The following AKR1C4 variants were observed in gnomAD, a reference collection of about 807,000 sequenced individuals.
AKR1C4 encodes aldo-keto reductase family 1 member C4, also known as 3-alpha-HSD1.
Under a neutral mutation model 41.0 loss-of-function variants are expected in AKR1C4, and 44 were observed. That is an observed-to-expected ratio of 1.07 (90% CI 0.84 to 1.38). AKR1C4 has a LOEUF of 1.38. Among genes scored for constraint, AKR1C4 ranks in the 40% most tolerant of loss-of-function variants. AKR1C4 has a pLI of 0.00. For synonymous variants in AKR1C4, 165 were observed against 137.7 expected, an observed-to-expected ratio of 1.20 and a Z score of -1.39; for missense variants, 438 against 387.9, an observed-to-expected ratio of 1.13 and a Z score of -1.09.
chr10:5,205,791 G>A lies in AKR1C4; in HGVS notation c.404G>A (p.Gly135Glu), dbSNP rs11253043. 7,649 of 1,613,412 alleles carry A rather than the reference G, an allele frequency of 4.7e-3. 298 individuals carry two copies. In the African/African-American group the frequency reaches 0.088, roughly 18 times the overall value. Reference protein sequence around the residue: ...GETPLPKDENGKVIFDTVDLS... With the variant: ...GETPLPKDENEKVIFDTVDLS... ...ACGCCACTACCAAAAGATGAAAATGGAAAAGTAATATTCGACACAGTGGAT... is the reference window on the plus strand; with the variant it reads ...ACGCCACTACCAAAAGATGAAAATGAAAAAGTAATATTCGACACAGTGGAT... The change falls in exon 4 of 9, where the codon GGA becomes GAA. Residue 135 changes from glycine (G) to glutamate (E), a missense_variant. By Grantham distance (98) the Gly-to-Glu change is moderately conservative (BLOSUM62 -2). Coordinates refer to ENST00000263126, the MANE Select transcript of AKR1C4 (RefSeq NM_001818.5).
Position 5,204,460 on chromosome 10 carries a change from C to T in AKR1C4, c.336C>T (p.Asp112=). 6.2e-7 allele frequency: 1 copy of T among 1,613,512 alleles called. No individual in the cohort carries two copies. Residue 112 remains aspartate, a synonymous_variant, in exon 3 of 9, where the codon GAC becomes GAT. Coordinates refer to ENST00000263126, the MANE Select transcript of AKR1C4 (RefSeq NM_001818.5). ...SLKKLQLDYV[D]LYLLHFPMAL... ...AAAAACTTCAACTGGACTATGTTGA[C>T]CTCTATCTTCTTCATTTCCCAATGG...
At position 5,200,968 on chromosome 10, in the gene AKR1C4, G is replaced by GTA. The variant is rs111762558; in HGVS notation, c.252+633_252+634dup. 1.8e-3 allele frequency among the ~76,000 whole-genome samples: 273 copies of GTA among 151,012 alleles called. 1 individual carries two copies. The highest frequency in any genetic ancestry group is 4.5e-3 in the African/African-American group (184 of 41,236). ...TTTTATATATACACTATTCCATGAT[G>GTA]TATATATATATATACCACATTTTCA... On this transcript the variant is annotated intron_variant, in intron 2 of 8. Transcript: ENST00000263126.
At position 5,200,218 on chromosome 10, in the gene AKR1C4, C is replaced by T; in HGVS notation, c.122C>T (p.Ala41Val). The change falls in exon 2 of 9, where the codon GCA becomes GTA. Residue 41 changes from alanine (A) to valine (V), a missense_variant. By Grantham distance (64) the Ala-to-Val change is moderately conservative (BLOSUM62 0). Coordinates refer to ENST00000263126, the MANE Select transcript of AKR1C4 (RefSeq NM_001818.5). ...AGAGCTGTAGAGGTCACCAAATTAG[C>T]AATAGAAGCTGGCTTCCGCCATATT... ...RNRAVEVTKL[A>V]IEAGFRHIDS... The T allele has an allele frequency of 2.5e-6, 4 of 1,614,040 alleles. No homozygotes were observed. The highest frequency in any genetic ancestry group is 2.5e-6 in the Non-Finnish European group (3 of 1,179,920).
intron 5 of AKR1C4, among the ~76,000 whole-genome samples, chr10:5,210,323 G>A (rs1439970893): frequency 1.3e-5 from 2 of 152,184 alleles, no homozygotes; most frequent in Admixed American, 6.5e-5. Flanking sequence ...CCTTCTGGCT[G>A]CTTTCATGGG....
intron 7 of AKR1C4, 106 bp downstream of exon 7, chr10:5,213,265 T>A: frequency 6.6e-7 from 1 of 1,506,768 alleles, no homozygotes; most frequent in Non-Finnish European, 8.9e-7. Flanking sequence ...TCCTGGGCAT[T>A]TCCTATGCAC....
chr10:5,204,148 T>C (rs1257093938), intron 2 of AKR1C4, among the ~76,000 whole-genome samples: 1 of 152,326 alleles, frequency 6.6e-6, no homozygotes, highest in Middle Eastern at 3.4e-3. Flanking sequence ...TTACTTGATA[T>C]CAATTTTTAC....
intron 6 of AKR1C4, 82 bp from the exon 7 acceptor site, chr10:5,212,912 T>A: frequency 6.5e-7 from 1 of 1,533,882 alleles, no homozygotes; most frequent in Non-Finnish European, 8.8e-7. Context: ...TGGTGCAGAA[T>A]GAACACCTTA....
Position 5,213,139 on chromosome 10 carries a change from C to A in AKR1C4, c.826C>A (p.Arg276=), listed in dbSNP as rs529198618. 108 of 1,613,698 alleles carry A rather than the reference C, an allele frequency of 6.7e-5. No homozygotes were observed. Among genetic ancestry groups the A allele is most frequent in the Non-Finnish European group, 8.8e-5 (104 of 1,180,032 alleles). Residue 276 remains arginine (R), a synonymous_variant, in exon 7 of 9, where the codon CGG becomes AGG. Transcript: ENST00000263126. The part of the protein sequence containing the change: ...VVLAKSYNEQ[R]IRENIQVFEF... ...CCTGGCCAAGAGCTACAATGAGCAG[C>A]GGATCAGAGAGAACATCCAGGTGAG... is the stretch of plus-strand genomic sequence containing the variant.
At chr10:5,215,978 C>A (rs7912751) in intron 7 of AKR1C4, among the ~76,000 whole-genome samples, 2 of 152,008 alleles carry the variant, frequency 1.3e-5, no homozygotes, top group African/African-American at 4.8e-5. Context: ...GTCCATTGTG[C>A]GTTGCTATAA....
intron 5 of AKR1C4, 71 bp downstream of exon 5, chr10:5,206,468 T>C (rs1832489255): frequency 6.2e-7 from 1 of 1,604,520 alleles, no homozygotes; most frequent in Admixed American, 1.7e-5. Context: ...CTGGCTTCCA[T>C]TTGTTTTGTT....
intron 7 of AKR1C4, among the ~76,000 whole-genome samples, chr10:5,215,020 G>T (rs1313799076): frequency 6.6e-6 from 1 of 152,136 alleles, no homozygotes; most frequent in Non-Finnish European, 1.5e-5. Flanking sequence ...GTCAAAGATG[G>T]AAATACAGAT....
At chr10:5,212,875 T>TG (rs1396815565) in intron 6 of AKR1C4, 119 bp from the exon 7 acceptor site, 1 of 1,423,640 alleles carries the variant, frequency 7.0e-7, no homozygotes, top group East Asian at 2.4e-5. Context: ...ATGCTGCTGC[T>TG]GTTCAGGGAC....
chr10:5,211,498 C>T (rs552812369), intron 5 of AKR1C4, among the ~76,000 whole-genome samples: 1 of 152,280 alleles, frequency 6.6e-6, no homozygotes, highest in African/African-American at 2.4e-5. Context: ...TAAAACATAA[C>T]AAGAGTCACC....
chr10:5,215,973 T>C (rs1374941044), intron 7 of AKR1C4, among the ~76,000 whole-genome samples: 2 of 152,180 alleles, frequency 1.3e-5, no homozygotes, highest in Non-Finnish European at 2.9e-5. Flanking sequence ...TATTAGTCCA[T>C]TGTGCGTTGC....
intron 5 of AKR1C4, among the ~76,000 whole-genome samples, chr10:5,212,066 G>T (rs989129039): frequency 5.8e-4 from 89 of 152,320 alleles, no homozygotes; most frequent in Admixed American, 1.4e-3. Flanking sequence ...TGAGATTTGG[G>T]TGGGGACACA....
At chr10:5,218,229 C>A (rs1832681896) in intron 8 of AKR1C4, among the ~76,000 whole-genome samples, 1 of 152,084 alleles carries the variant, frequency 6.6e-6, no homozygotes, top group Non-Finnish European at 1.5e-5. Context: ...ATGTCTGAAT[C>A]AAAGAAAATA....
intron 2 of AKR1C4, among the ~76,000 whole-genome samples, chr10:5,202,262 T>A (rs1171036712): frequency 6.6e-6 from 1 of 152,170 alleles, no homozygotes; most frequent in Non-Finnish European, 1.5e-5. Flanking sequence ...CTTAGGGATT[T>A]TATTTGCAGC....
At chr10:5,201,702 AGAG>A (rs1554796941) in intron 2 of AKR1C4, among the ~76,000 whole-genome samples, 2 of 152,184 alleles carry the variant, frequency 1.3e-5, no homozygotes, top group African/African-American at 4.8e-5. Context: ...AATGTTAAGA[AGAG>A]TTTTCCAATG....
At chr10:5,210,377 C>T (rs1832554106) in intron 5 of AKR1C4, among the ~76,000 whole-genome samples, 2 of 152,184 alleles carry the variant, frequency 1.3e-5, no homozygotes, top group South Asian at 2.1e-4. Context: ...ACAGTGCAAG[C>T]TGTCAGTGGA....
Sources: allele counts gnomAD v4.1 joint callset (sites outside exome capture counted in the v4.1 genomes callset), GRCh38; gene constraint gnomAD v4.1.1; transcripts MANE v1.5; gene names NCBI Gene and HGNC (gene_info 2026-07-23, HGNC 2026-07-21).